Variants in ZSWIM2 observed in about 807,000 individuals in gnomAD.
The protein encoded by ZSWIM2 is zinc finger SWIM-type containing 2, also known as E3 ubiquitin-protein ligase ZSWIM2.
Under a neutral mutation model 48.4 loss-of-function variants are expected in ZSWIM2, and 38 were observed. The observed-to-expected ratio is 0.79, with a 90% CI of 0.61 to 1.03. The LOEUF (loss-of-function observed/expected upper bound fraction) is 1.03, where lower values mean the gene tolerates loss of function less well. ZSWIM2 is among the 50% of genes least tolerant of loss of function. ZSWIM2 has a pLI of 0.00. For synonymous variants in ZSWIM2, 240 were observed against 251.3 expected (o/e 0.96, Z 0.42); for missense variants, 776 against 730.2 (o/e 1.06, Z -0.72).
chr2:186,836,827 C>T (rs1479615301), intron 5 of ZSWIM2, among the ~76,000 whole-genome samples: 1 of 152,056 alleles, frequency 6.6e-6, no homozygotes, highest in African/African-American at 2.4e-5. Context: ...TGAAATAAAA[C>T]AAAACCTGTA....
chr2:186,840,791 T>G (rs533823891), intron 3 of ZSWIM2, among the ~76,000 whole-genome samples: 1 of 151,426 alleles, frequency 6.6e-6, no homozygotes, highest in East Asian at 1.9e-4. Flanking sequence ...GAACAGATGA[T>G]CCAATTTAAT....
Position 186,833,143 on chromosome 2 carries a change from C to T in ZSWIM2, c.918G>A (p.Met306Ile). Reference sequence around the variant, plus strand: ...ACCCTTGCTTTTCTTGAAAATGTGACATCTTTTCTTCAATCTCATTTTTAG... The same window carrying T: ...ACCCTTGCTTTTCTTGAAAATGTGATATCTTTTCTTCAATCTCATTTTTAG... The part of the protein sequence containing the change: ...IDTKNEIEEK[M>I]SHFQEKQGQV... The change falls in exon 7 of 9, where the codon ATG (methionine) becomes ATA (isoleucine). Residue 306 changes from methionine to isoleucine, a missense_variant. Physicochemically the swap from Met to Ile is conservative, Grantham distance 10. Coordinates refer to ENST00000295131, the MANE Select transcript of ZSWIM2 (RefSeq NM_182521.3). The T allele has an allele frequency of 6.7e-7, 1 of 1,497,084 alleles. No homozygotes were observed. The highest frequency in any genetic ancestry group is 8.9e-7 in the Non-Finnish European group (1 of 1,118,384). The allele number at this position is 1,497,084 out of a possible 1,614,324, so 92.7% of individuals were successfully genotyped here.
intron 4 of ZSWIM2, among the ~76,000 whole-genome samples, chr2:186,838,034 T>C (rs1691828969): frequency 6.6e-6 from 1 of 151,674 alleles, no homozygotes; most frequent in Admixed American, 6.6e-5. Flanking sequence ...TTTTACAATA[T>C]GCAATAGAAG....
At chr2:186,843,342 G>A (rs1207829353) in intron 3 of ZSWIM2, among the ~76,000 whole-genome samples, 3 of 151,614 alleles carry the variant, frequency 2.0e-5, no homozygotes, top group African/African-American at 7.2e-5. Flanking sequence ...TGAGAGAGAG[G>A]CTTAAGAAGA....
intron 3 of ZSWIM2, among the ~76,000 whole-genome samples, chr2:186,841,716 A>G (rs1691905471): frequency 6.6e-6 from 1 of 151,380 alleles, no homozygotes; most frequent in Non-Finnish European, 1.5e-5. Context: ...ATTATATAGC[A>G]TGAAAATATA....
intron 5 of ZSWIM2, among the ~76,000 whole-genome samples, chr2:186,835,700 G>A (rs1174057903): frequency 6.6e-6 from 1 of 152,136 alleles, no homozygotes; most frequent in East Asian, 1.9e-4. Context: ...AGTTAATCTT[G>A]TCTCCTACTC....
rs748222303 is a variant in ZSWIM2 at position 186,827,956 on chromosome 2, T to G, written c.*28A>C. The G allele has an allele frequency of 3.4e-6, 5 of 1,487,318 alleles. No individual in the cohort carries two copies. The highest frequency in any genetic ancestry group is 4.5e-6 in the Non-Finnish European group (5 of 1,111,214). The allele number at this position is 1,487,318 out of a possible 1,614,324, so 92.1% of individuals were successfully genotyped here. On this transcript the variant is annotated 3_prime_UTR_variant, in exon 9 of 9. Transcript: ENST00000295131. Reference sequence around the variant, plus strand: ...ATAAAACATTTTTTTATATTCAACATTCAAATATTTTCAGATAGTAAACTT... The same window carrying G: ...ATAAAACATTTTTTTATATTCAACAGTCAAATATTTTCAGATAGTAAACTT...
chr2:186,838,402 A>T (rs1691837536), intron 4 of ZSWIM2, among the ~76,000 whole-genome samples: 1 of 150,362 alleles, frequency 6.7e-6, no homozygotes, highest in South Asian at 2.1e-4. Context: ...AGGTTTAAAG[A>T]TAGAATTTTG....
chr2:186,837,255 T>G (rs755780052), intron 5 of ZSWIM2, 51 bp downstream of exon 5: 2 of 1,592,978 alleles, frequency 1.3e-6, no homozygotes, highest in East Asian at 4.5e-5. Context: ...AGTTTCCTGA[T>G]GTAAAAAAAT....
At chr2:186,831,712 C>T (rs1045789168) in intron 7 of ZSWIM2, among the ~76,000 whole-genome samples, 2 of 152,040 alleles carry the variant, frequency 1.3e-5, no homozygotes, top group African/African-American at 4.8e-5. Context: ...ATGATGAGCT[C>T]ATGTCCTTTG....
At chr2:186,839,388 T>C (rs557322576) in intron 3 of ZSWIM2, among the ~76,000 whole-genome samples, 1 of 151,842 alleles carries the variant, frequency 6.6e-6, no homozygotes, top group Admixed American at 6.6e-5. Context: ...TTTTTTCTTG[T>C]AACTGAAAAA....
At position 186,833,846 on chromosome 2, in the gene ZSWIM2, CTGT is replaced by C. The variant is rs918301767; in HGVS notation, c.828+97_828+99del. On this transcript the variant is annotated intron_variant, in intron 6 of 8. Transcript: ENST00000295131. ...GGTTTGTATTAAAAACCAATCAGCTCTGTTCCACAGTGTTATGTATTCTTCTTA... is the reference window on the plus strand; with the variant it reads ...GGTTTGTATTAAAAACCAATCAGCTCTCCACAGTGTTATGTATTCTTCTTA... The C allele has an allele frequency of 4.2e-6, 4 of 943,224 alleles. No individual in the cohort carries two copies. In the African/African-American group the frequency reaches 5.1e-5, roughly 12 times the overall value. 58.4% of individuals were successfully genotyped at this position (943,224 alleles called of 1,614,324 possible).
At chr2:186,834,105 G>C (rs566699917) in intron 5 of ZSWIM2, 75 bp from the exon 6 acceptor site, 1 of 1,093,468 alleles carries the variant, frequency 9.1e-7, no homozygotes, top group Admixed American at 1.9e-5. Flanking sequence ...GAAAAATTCT[G>C]ACCAAAACTT....
chr2:186,847,924 T>A, intron 1 of ZSWIM2, 129 bp from the exon 2 acceptor site: 2 of 535,158 alleles, frequency 3.7e-6, no homozygotes, highest in Non-Finnish European at 6.6e-6. Context: ...TAGATTCTAC[T>A]GGAGAATCTT....
At chr2:186,829,932 G>T in intron 7 of ZSWIM2, 52 bp from the exon 8 acceptor site, 1 of 1,580,010 alleles carries the variant, frequency 6.3e-7, no homozygotes, top group Non-Finnish European at 8.7e-7. Flanking sequence ...TATAGATCAG[G>T]AAGTGATCAA....
rs1386672153 is a variant in ZSWIM2, at chr2:186,828,289, T to C, written c.1597A>G (p.Ile533Val). Residue 533 changes from isoleucine (I) to valine (V), a missense_variant, in exon 9 of 9, where the codon ATC (isoleucine) becomes GTC (valine). Physicochemically the swap from Ile to Val is conservative, Grantham distance 29 (BLOSUM62 3). Coordinates refer to ENST00000295131, the MANE Select transcript of ZSWIM2 (RefSeq NM_182521.3). The part of the protein sequence containing the change: ...VCPTAMESPC[I>V]SGKFHTSLSR... ...AGACTAGTGTGAAATTTTCCACTGA[T>C]GCATGGACTTTCCATTGCAGTGGGA... The C allele has an allele frequency of 1.2e-6, 2 of 1,613,770 alleles. No homozygotes were observed. Among genetic ancestry groups the C allele is most frequent in the Non-Finnish European group, 8.5e-7 (1 of 1,179,840 alleles).
In ZSWIM2 at chr2:186,833,990, A is replaced by G; in HGVS notation, c.784T>C (p.Phe262Leu). 6.2e-7 allele frequency: 1 copy of G among 1,613,388 alleles called. No homozygotes were observed. Among genetic ancestry groups the G allele is most frequent in the Non-Finnish European group, 8.5e-7 (1 of 1,179,618 alleles). Residue 262 changes from phenylalanine to leucine, a missense_variant, in exon 6 of 9, where the codon TTT becomes CTT. Coordinates refer to ENST00000295131, the MANE Select transcript of ZSWIM2 (RefSeq NM_182521.3). Reference sequence around the variant, plus strand: ...TGGGAAAGATGGCAGCAGCTATCAAAACATTCCTGGCATAAGTGATATTCT... The same window carrying G: ...TGGGAAAGATGGCAGCAGCTATCAAGACATTCCTGGCATAAGTGATATTCT... ...CIEYHLCQEC[F>L]DSCCHLSHTF...
chr2:186,832,462 G>C (rs557720712), intron 7 of ZSWIM2, among the ~76,000 whole-genome samples: 1 of 152,092 alleles, frequency 6.6e-6, no homozygotes, highest in South Asian at 2.1e-4. Context: ...CAAAAGGTCT[G>C]GAGACCTCTC....
chr2:186,846,810 C>CAT lies in ZSWIM2; in HGVS notation c.242+907_242+908dup, dbSNP rs36111849. Among the ~76,000 whole-genome samples the CAT allele has an allele frequency of 2.4e-4, 34 of 143,762 alleles. No homozygotes were observed. In the East Asian group the frequency reaches 5.3e-3, roughly 23 times the overall value. 94.3% of individuals were successfully genotyped at this position (143,762 alleles called of 152,430 possible). A position where few individuals can be genotyped will look rare whatever the true frequency, so the allele number is the denominator to read the frequency against. On this transcript the variant is annotated intron_variant, in intron 2 of 8. Transcript: ENST00000295131. ...ACATATATATATACACACACACACA[C>CAT]ATATATATATATATATAATGTAATA...
Sources: allele counts gnomAD v4.1 joint callset (sites outside exome capture counted in the v4.1 genomes callset), GRCh38; gene constraint gnomAD v4.1.1; transcripts MANE v1.5; gene names NCBI Gene and HGNC (gene_info 2026-07-23, HGNC 2026-07-21).